USP43: variants seen among roughly 807,000 people sequenced by gnomAD.
USP43 encodes the protein ubiquitin carboxyl-terminal hydrolase 43.
In USP43, 33 loss-of-function variants were observed where a neutral mutation model predicts 90.7. The ratio of observed to expected loss-of-function variants is 0.36; its 90% CI spans 0.28 to 0.49. USP43 has a LOEUF of 0.49. Ranked by LOEUF, USP43 falls within the 20% of genes least tolerant of loss-of-function variation. USP43 has a pLI of 0.98. For synonymous variants in USP43, 598 were observed against 615.8 expected, an observed-to-expected ratio of 0.97 and a Z score of 0.43; for missense variants, 1,274 against 1,476.4, an observed-to-expected ratio of 0.86 and a Z score of 2.25.
At chr17:9,676,604 G>A (rs552940108) in intron 4 of USP43, 142 bp from the exon 5 acceptor site, 92 of 1,005,112 alleles carry the variant, frequency 9.2e-5, no homozygotes, top group South Asian at 2.2e-4. Context: ...ACTCTTGACC[G>A]CAGGTGATCC....
rs769220959 is a variant in USP43, at chr17:9,729,264, G to A, written c.*274G>A. Reference sequence around the variant, plus strand: ...ATTGGGTCAGTATTACCAGTTTCAGGGCAAGAACTGATATTTACTAAAGAG... The same window carrying A: ...ATTGGGTCAGTATTACCAGTTTCAGAGCAAGAACTGATATTTACTAAAGAG... On this transcript the variant is annotated 3_prime_UTR_variant, in exon 15 of 15. Transcript: ENST00000285199. The A allele has an allele frequency of 7.6e-6, 2 of 263,278 alleles. No homozygotes were observed. Among genetic ancestry groups the A allele is most frequent in the Non-Finnish European group, 1.4e-5 (2 of 142,142 alleles). The allele number at this position is 263,278 out of a possible 1,614,324, so 16.3% of individuals were successfully genotyped here. A position where few individuals can be genotyped will look rare whatever the true frequency, so the allele number is the denominator to read the frequency against.
intron 5 of USP43, among the ~76,000 whole-genome samples, chr17:9,679,358 T>C (rs1567659330): frequency 6.6e-6 from 1 of 150,606 alleles, no homozygotes; most frequent in Non-Finnish European, 1.5e-5. Flanking sequence ...CATGCCACCA[T>C]GCCTGGCTAA....
At chr17:9,667,256 TC>T (rs1380885431) in intron 3 of USP43, among the ~76,000 whole-genome samples, 1 of 151,642 alleles carries the variant, frequency 6.6e-6, no homozygotes, top group Non-Finnish European at 1.5e-5. Flanking sequence ...GTGCCTGTGG[TC>T]CCAGCTACTC....
At chr17:9,717,438 T>A (rs1916652660) in intron 14 of USP43, among the ~76,000 whole-genome samples, 1 of 152,040 alleles carries the variant, frequency 6.6e-6, no homozygotes, top group Admixed American at 6.6e-5. Flanking sequence ...ATCATTTGTA[T>A]CCAAGTACCC....
At chr17:9,657,239 A>G (rs1172789595) in intron 2 of USP43, among the ~76,000 whole-genome samples, 4 of 152,094 alleles carry the variant, frequency 2.6e-5, no homozygotes, top group Admixed American at 2.0e-4. Flanking sequence ...GGGCGCGGTG[A>G]CTCACGCCTG....
At chr17:9,706,999 C>T (rs1915922125) in intron 12 of USP43, among the ~76,000 whole-genome samples, 1 of 152,056 alleles carries the variant, frequency 6.6e-6, no homozygotes, top group Admixed American at 6.6e-5. Flanking sequence ...TTGTAGGCCC[C>T]AACAATTGGT....
At chr17:9,690,560 T>C (rs1914877661) in intron 8 of USP43, among the ~76,000 whole-genome samples, 1 of 152,166 alleles carries the variant, frequency 6.6e-6, no homozygotes, top group African/African-American at 2.4e-5. Context: ...AACATTATAC[T>C]GATTAAAACA....
At chr17:9,669,948 C>T (rs1913291851) in intron 3 of USP43, 1 of 151,852 alleles carries the variant, frequency 6.6e-6, no homozygotes, top group South Asian at 2.1e-4. Flanking sequence ...GTTTTCAGTC[C>T]AAGTGTGCGG....
Position 9,686,951 on chromosome 17 carries a change from G to T in USP43, c.1353+42G>T, listed in dbSNP as rs145698356. On this transcript the variant is annotated intron_variant, in intron 8 of 14. Coordinates refer to ENST00000285199, the MANE Select transcript of USP43 (RefSeq NM_153210.5). This position sits in a 1 kb window ranked among gnomAD's most constrained non-coding sequence, Gnocchi z 5.5. ...CGTGTGTGTGTGTGTGCGTGCATGC[G>T]CATGTGCATGCGTGTGTGTGGGTGT... is the stretch of plus-strand genomic sequence containing the variant. 1.3e-6 allele frequency: 2 copies of T among 1,516,180 alleles called. No individual in the cohort carries two copies. Among genetic ancestry groups the T allele is most frequent in the Non-Finnish European group, 1.8e-6 (2 of 1,098,768 alleles). The allele number at this position is 1,516,180 out of a possible 1,614,324, so 93.9% of individuals were successfully genotyped here.
chr17:9,712,192 T>G, intron 14 of USP43, 60 bp downstream of exon 14: 1 of 1,489,450 alleles, frequency 6.7e-7, no homozygotes, highest in Non-Finnish European at 9.0e-7. Flanking sequence ...TTGTTATTGC[T>G]CAGTATGAAA....
intron 1 of USP43, among the ~76,000 whole-genome samples, chr17:9,654,604 A>G (rs1029269975): frequency 6.6e-6 from 1 of 151,182 alleles, no homozygotes; most frequent in African/African-American, 2.4e-5. Flanking sequence ...AGCTGAGATC[A>G]TGCCATTGCA....
At chr17:9,705,580 C>T (rs1025874204) in intron 12 of USP43, among the ~76,000 whole-genome samples, 3 of 151,760 alleles carry the variant, frequency 2.0e-5, no homozygotes, top group Admixed American at 6.6e-5. Context: ...CATGGTGAAA[C>T]CCTGTCTCTA....
rs1714081864 is a variant in USP43, at chr17:9,709,165, C to T, written c.2012-791C>T. ...GGCAAGGAAACGGATATTTTGTTGT[C>T]GTTACTTGAGAAATGGTGAGAATAT... On this transcript the variant is annotated intron_variant, in intron 12 of 14. Coordinates refer to ENST00000285199, the MANE Select transcript of USP43 (RefSeq NM_153210.5). The surrounding 1 kb of genome is among the most constrained non-coding windows in gnomAD (Gnocchi z 5.0). Among the ~76,000 whole-genome samples, 3 of 152,060 alleles carry T rather than the reference C, an allele frequency of 2.0e-5. No homozygotes were observed. The highest frequency in any genetic ancestry group is 6.6e-5 in the Admixed American group (1 of 15,256).
At chr17:9,690,786 G>A (rs1914897211) in intron 8 of USP43, among the ~76,000 whole-genome samples, 1 of 152,140 alleles carries the variant, frequency 6.6e-6, no homozygotes, top group South Asian at 2.1e-4. Flanking sequence ...TCGGGAGGCT[G>A]AGGCAAGGGA....
Position 9,686,729 on chromosome 17 carries a change from C to A in USP43, c.1242-69C>A. 2.9e-6 allele frequency: 4 copies of A among 1,388,372 alleles called. No individual in the cohort carries two copies. The highest frequency in any genetic ancestry group is 1.2e-5 in the South Asian group (1 of 81,066). The allele number at this position is 1,388,372 out of a possible 1,614,324, so 86.0% of individuals were successfully genotyped here. On this transcript the variant is annotated intron_variant, in intron 7 of 14. Coordinates refer to ENST00000285199, the MANE Select transcript of USP43 (RefSeq NM_153210.5). This position sits in a 1 kb window ranked among gnomAD's most constrained non-coding sequence, Gnocchi z 5.5. ...TGACAGGAAGCCAGGGTTAGAACAA[C>A]CACTCATGACTGGTGGATGTTGCTG...
intron 3 of USP43, among the ~76,000 whole-genome samples, chr17:9,667,459 T>C (rs190296995): frequency 1.3e-5 from 2 of 152,300 alleles, no homozygotes; most frequent in Admixed American, 1.3e-4. Context: ...CTTCAGAAAG[T>C]ATGTGTTCTC....
intron 14 of USP43, among the ~76,000 whole-genome samples, chr17:9,725,801 G>A (rs1452393093): frequency 2.6e-5 from 4 of 152,134 alleles, no homozygotes; most frequent in Non-Finnish European, 4.4e-5. Context: ...CGGGGCTCCA[G>A]GCAACATGCT....
chr17:9,676,927 C>A, intron 5 of USP43, 46 bp downstream of exon 5: 1 of 1,594,020 alleles, frequency 6.3e-7, no homozygotes, highest in Non-Finnish European at 8.6e-7. Context: ...TGATAGAATG[C>A]TAACTGAGCC....
At chr17:9,706,631 A>ATTTTTTT (rs34165346) in intron 12 of USP43, among the ~76,000 whole-genome samples, 8 of 84,438 alleles carry the variant, frequency 9.5e-5, no homozygotes, top group Non-Finnish European at 1.6e-4. Context: ...TCAGATATTA[A>ATTTTTTT]TTTTTTTTTT....
Sources: allele counts gnomAD v4.1 joint callset (sites outside exome capture counted in the v4.1 genomes callset), GRCh38; gene constraint gnomAD v4.1.1; non-coding constraint Gnocchi (gnomAD v3.1); transcripts MANE v1.5; gene names NCBI Gene and HGNC (gene_info 2026-07-23, HGNC 2026-07-21).